Variants in CSMD1 observed in about 807,000 individuals in gnomAD.
The protein encoded by CSMD1 is CUB and sushi domain-containing protein 1.
A neutral mutation model predicts 417.5 loss-of-function variants in CSMD1; 213 were observed. The ratio of observed to expected loss-of-function variants is 0.51; its 90% CI spans 0.46 to 0.57. CSMD1 has a LOEUF of 0.57. Among genes scored for constraint, CSMD1 ranks in the 20% least tolerant of loss-of-function variants. The pLI is 0.00. For synonymous variants in CSMD1, 2,862 were observed against 1,736.8 expected (o/e 1.65, Z -16.11); for missense variants, 6,923 against 4,529.7 (o/e 1.53, Z -15.17).
chr8:3,148,642 T>C (rs1435071745), intron 40 of CSMD1, among the ~76,000 whole-genome samples: 1 of 152,224 alleles, frequency 6.6e-6, no homozygotes, highest in Non-Finnish European at 1.5e-5. Flanking sequence ...TTAAATGTTT[T>C]TCACTATAAA....
At position 4,381,157 on chromosome 8, in the gene CSMD1, T is replaced by A. The variant is rs1372563582; in HGVS notation, c.415+38796A>T. Among the ~76,000 whole-genome samples the A allele has an allele frequency of 2.0e-5, 3 of 152,312 alleles. No homozygotes were observed. The East Asian group carries it at 5.8e-4, about 29-fold the overall frequency. On this transcript the variant is annotated intron_variant, in intron 3 of 69. Coordinates refer to ENST00000635120, the MANE Select transcript of CSMD1 (RefSeq NM_033225.6). ...TGACTTCAGAACTAAAGAAGTCAAT[T>A]TTTAAAAATATGTATTACAGTTCTC...
chr8:4,306,002 G>C (rs1199197435), intron 3 of CSMD1, among the ~76,000 whole-genome samples: 3 of 152,118 alleles, frequency 2.0e-5, no homozygotes, highest in Admixed American at 6.6e-5. Flanking sequence ...TAATGGTTGT[G>C]CAATATTATA....
intron 1 of CSMD1, among the ~76,000 whole-genome samples, chr8:4,844,225 G>C (rs1392844828): frequency 6.6e-6 from 1 of 152,140 alleles, no homozygotes; most frequent in Non-Finnish European, 1.5e-5. Context: ...GTAATTTCAA[G>C]TAGTAAGGTT....
chr8:4,409,026 G>A (rs1197595991), intron 3 of CSMD1, among the ~76,000 whole-genome samples: 1 of 152,112 alleles, frequency 6.6e-6, no homozygotes, highest in Non-Finnish European at 1.5e-5. Flanking sequence ...ACAAATATCT[G>A]TATCACTTTG....
At chr8:4,792,497 T>A (rs1797745758) in intron 1 of CSMD1, among the ~76,000 whole-genome samples, 1 of 152,216 alleles carries the variant, frequency 6.6e-6, no homozygotes, top group Non-Finnish European at 1.5e-5. Flanking sequence ...TCCCGTTCCC[T>A]GGGCAGTTGT....
intron 7 of CSMD1, among the ~76,000 whole-genome samples, chr8:3,643,908 G>A (rs1428345503): frequency 6.6e-6 from 1 of 152,108 alleles, no homozygotes; most frequent in Non-Finnish European, 1.5e-5. Context: ...GGCAAGAGAT[G>A]AACAAAACCT....
intron 7 of CSMD1, among the ~76,000 whole-genome samples, chr8:3,695,087 CGTGTGTGTGTGTGTGTGT>C (rs1276176981): frequency 6.9e-6 from 1 of 145,492 alleles, no homozygotes; most frequent in African/African-American, 2.6e-5. Context: ...GGAGGCCCTG[CGTGTGTGTGTGTGTGTGT>C]GTGTGTGTGT....
intron 7 of CSMD1, among the ~76,000 whole-genome samples, chr8:3,647,008 T>C (rs922070019): frequency 1.3e-5 from 2 of 152,178 alleles, no homozygotes; most frequent in Admixed American, 6.5e-5. Context: ...TTTTGAAACA[T>C]CTCAGCAGCT....
intron 1 of CSMD1, among the ~76,000 whole-genome samples, chr8:4,985,843 T>C (rs2117452558): frequency 6.6e-6 from 1 of 152,298 alleles, no homozygotes; most frequent in South Asian, 2.1e-4. Context: ...GGATTGGTCT[T>C]ATGTTGTCCA....
At chr8:3,303,922 AATAACTATTTTGGGGTATTGCGCCCCATT>A (rs952096894) in intron 25 of CSMD1, among the ~76,000 whole-genome samples, 1 of 74,340 alleles carries the variant, frequency 1.3e-5, no homozygotes, top group Non-Finnish European at 3.4e-5. Flanking sequence ...GCCCCATAAT[AATAACTATTTTGGGGTATTGCGCCCCATT>A]ATAATAACTA....
intron 3 of CSMD1, among the ~76,000 whole-genome samples, chr8:4,049,036 C>G (rs749765913): frequency 2.0e-5 from 3 of 152,150 alleles, no homozygotes; most frequent in Non-Finnish European, 4.4e-5. Context: ...ACTCACCACC[C>G]ATCTCAACAA....
chr8:3,128,274 G>C (rs1316175137), intron 41 of CSMD1: 1 of 152,334 alleles, frequency 6.6e-6, no homozygotes, highest in African/African-American at 2.4e-5. Flanking sequence ...CTAATATCTA[G>C]TTAGTTGATA....
intron 5 of CSMD1, among the ~76,000 whole-genome samples, chr8:3,834,118 A>G (rs1481615439): frequency 6.6e-6 from 1 of 152,110 alleles, no homozygotes; most frequent in African/African-American, 2.4e-5. Flanking sequence ...TTTTCCTTAC[A>G]TTTCTAATTG....
At chr8:4,006,053 A>T (rs1443627548) in intron 4 of CSMD1, among the ~76,000 whole-genome samples, 2 of 152,236 alleles carry the variant, frequency 1.3e-5, no homozygotes, top group Non-Finnish European at 2.9e-5. Context: ...GGAACTATTC[A>T]AGGAATGAGC....
intron 2 of CSMD1, among the ~76,000 whole-genome samples, chr8:4,425,261 A>G (rs1262981023): frequency 4.6e-5 from 7 of 152,000 alleles, no homozygotes; most frequent in Admixed American, 2.0e-4. Context: ...AACGAGTGTC[A>G]TAAGACTACT....
At chr8:4,699,054 G>A (rs1807331303) in intron 1 of CSMD1, among the ~76,000 whole-genome samples, 1 of 152,034 alleles carries the variant, frequency 6.6e-6, no homozygotes, top group African/African-American at 2.4e-5. Context: ...ACAGTTTTGG[G>A]AAAAAATGTG....
chr8:3,915,974 G>C (rs1808795189), intron 5 of CSMD1, among the ~76,000 whole-genome samples: 1 of 151,324 alleles, frequency 6.6e-6, no homozygotes, highest in African/African-American at 2.4e-5. Flanking sequence ...GGAAGCATTT[G>C]AGTGAGATTC....
chr8:3,766,552 G>C (rs183780855), intron 5 of CSMD1, among the ~76,000 whole-genome samples: 4 of 152,020 alleles, frequency 2.6e-5, no homozygotes, highest in African/African-American at 9.7e-5. Flanking sequence ...GTCGGCACTG[G>C]CAATGGATAT....
At chr8:4,829,906 C>G (rs1416264539) in intron 1 of CSMD1, among the ~76,000 whole-genome samples, 2 of 152,064 alleles carry the variant, frequency 1.3e-5, no homozygotes, top group Non-Finnish European at 2.9e-5. Flanking sequence ...TAGGTAATGC[C>G]ACCGTTGCCC....
Sources: gnomAD v4.1 joint callset for allele counts (sites outside exome capture counted in the v4.1 genomes callset) on GRCh38, gnomAD v4.1.1 for gene constraint, MANE v1.5 for transcripts, NCBI Gene and HGNC (gene_info 2026-07-23, HGNC 2026-07-21) for gene names.